The following DOCK11 variants were observed in gnomAD, a reference collection of about 807,000 sequenced individuals.
DOCK11 encodes dedicator of cytokinesis protein 11.
In DOCK11, 70 loss-of-function variants were observed where a neutral mutation model predicts 169.1. That is an observed-to-expected ratio of 0.41 (90% CI 0.34 to 0.51). DOCK11 has a LOEUF of 0.51. Among genes scored for constraint, DOCK11 ranks in the 20% least tolerant of loss-of-function variants. The pLI, the probability that DOCK11 is intolerant of heterozygous loss-of-function variation, is 0.10. For synonymous variants in DOCK11, 529 were observed against 541.3 expected, an observed-to-expected ratio of 0.98 and a Z score of 0.32; for missense variants, 1,166 against 1,538.8, an observed-to-expected ratio of 0.76 and a Z score of 4.05.
chrX:118,561,150 A>C (rs1035391641), intron 6 of DOCK11, among the ~76,000 whole-genome samples: 3 of 112,086 alleles, frequency 2.7e-5, no homozygotes, highest in Non-Finnish European at 3.8e-5. Flanking sequence ...CAAAGTGTTA[A>C]GTCTTAATTA....
At chrX:118,600,534 G>A (rs1243973620) in intron 23 of DOCK11, among the ~76,000 whole-genome samples, 1 of 111,423 alleles carries the variant, frequency 9.0e-6, no homozygotes, top group African/African-American at 3.3e-5. Context: ...GGAAATTTAA[G>A]TGGAGAAAAC....
At chrX:118,651,442 A>G (rs1349915276) in intron 41 of DOCK11, among the ~76,000 whole-genome samples, 1 of 111,379 alleles carries the variant, frequency 9.0e-6, no homozygotes, top group Non-Finnish European at 1.9e-5. Context: ...ACCCTGTCCC[A>G]AAAAATAAGA....
intron 35 of DOCK11, chrX:118,634,246 T>G (rs2015324863): frequency 1.8e-5 from 2 of 112,023 alleles, no homozygotes; most frequent in Admixed American, 1.9e-4. Flanking sequence ...TAAGCCGTGA[T>G]GATTCTCTTC....
Position 118,546,845 on chromosome X carries a change from C to T in DOCK11, c.558+729C>T, listed in dbSNP as rs766396875. Among the ~76,000 whole-genome samples, 13 of 110,952 alleles carry T rather than the reference C, an allele frequency of 1.2e-4. No individual in the cohort carries two copies. The East Asian group carries it at 3.4e-3, about 29-fold the overall frequency. ...TCTCTACAAAAACTACAAAAATTAG[C>T]CTGGCGTGATAGCACACACCTGTAG... On this transcript the variant is annotated intron_variant, in intron 6 of 52. Transcript: ENST00000276202.
chrX:118,549,937 G>GT (rs2012435780), intron 6 of DOCK11, among the ~76,000 whole-genome samples: 1 of 111,534 alleles, frequency 9.0e-6, no homozygotes, highest in African/African-American at 3.3e-5. Flanking sequence ...TTTGGGAGCT[G>GT]TTTCTGGTTA....
At chrX:118,677,210 G>A (rs2016632020) in intron 48 of DOCK11, among the ~76,000 whole-genome samples, 1 of 112,136 alleles carries the variant, frequency 8.9e-6, no homozygotes, top group South Asian at 3.7e-4. Flanking sequence ...TTTATTCTAA[G>A]ATATCCTTAG....
chrX:118,636,829 A>G (rs1402472153), intron 36 of DOCK11, among the ~76,000 whole-genome samples: 10 of 55,734 alleles, frequency 1.8e-4, no homozygotes, highest in Non-Finnish European at 1.6e-4. Flanking sequence ...ATTTGTGTGT[A>G]CACACACACA....
chrX:118,605,303 C>A lies in DOCK11; in HGVS notation c.2628C>A (p.Phe876Leu), dbSNP rs1569427824. The A allele has an allele frequency of 8.3e-7, 1 of 1,203,812 alleles. No homozygotes were observed. The highest frequency in any genetic ancestry group is 2.3e-5 in the Admixed American group (1 of 44,010). ...TACCTGTAATTCTTATGCAACTCTT[C>A]CGAGTTCTCACAAATATGACCCATG... ...QFLPVILMQL[F>L]RVLTNMTHED... Residue 876 changes from phenylalanine to leucine, a missense_variant, in exon 24 of 53, where the codon TTC (phenylalanine) becomes TTA (leucine). Transcript: ENST00000276202.
chrX:118,503,263 G>A (rs186965859), intron 1 of DOCK11, among the ~76,000 whole-genome samples: 60 of 110,271 alleles, frequency 5.4e-4, no homozygotes, highest in Admixed American at 5.3e-3. Context: ...GTTTCACCAC[G>A]TTGGCCAGGC....
intron 46 of DOCK11, among the ~76,000 whole-genome samples, chrX:118,675,617 A>G (rs1400759540): frequency 9.1e-6 from 1 of 110,230 alleles, no homozygotes; most frequent in Non-Finnish European, 1.9e-5. Context: ...AGGATGGGCC[A>G]ATAGGTGCAG....
At chrX:118,559,779 G>T (rs1306727433) in intron 6 of DOCK11, among the ~76,000 whole-genome samples, 1 of 111,007 alleles carries the variant, frequency 9.0e-6, no homozygotes, top group African/African-American at 3.3e-5. Flanking sequence ...TCACCATTAT[G>T]ATTAACATTT....
chrX:118,675,819 C>T, intron 46 of DOCK11, 117 bp from the exon 47 acceptor site: 1 of 392,503 alleles, frequency 2.5e-6, no homozygotes, highest in South Asian at 5.8e-5. Flanking sequence ...ATGAATGGCC[C>T]CACCAAGACC....
At chrX:118,661,933 A>G (rs1318157428) in intron 44 of DOCK11, among the ~76,000 whole-genome samples, 1 of 111,966 alleles carries the variant, frequency 8.9e-6, no homozygotes, top group African/African-American at 3.2e-5. Context: ...TAGTTTATTT[A>G]TTGGTAGGCT....
chrX:118,671,276 C>A, intron 46 of DOCK11, 131 bp downstream of exon 46: 1 of 553,426 alleles, frequency 1.8e-6, no homozygotes, highest in Non-Finnish European at 2.7e-6. Flanking sequence ...TACATTATGA[C>A]TTTTGCATTT....
intron 40 of DOCK11, among the ~76,000 whole-genome samples, chrX:118,646,094 A>C (rs1023763560): frequency 7.3e-5 from 8 of 109,260 alleles, no homozygotes; most frequent in African/African-American, 1.7e-4. Flanking sequence ...ACAACAACAA[A>C]AAAACAGAGA....
chrX:118,665,270 A>G (rs1603178374), intron 45 of DOCK11, among the ~76,000 whole-genome samples: 1 of 112,572 alleles, frequency 8.9e-6, no homozygotes, highest in African/African-American at 3.2e-5. Flanking sequence ...TTGATTGATC[A>G]TAACAGAGAT....
intron 42 of DOCK11, among the ~76,000 whole-genome samples, chrX:118,652,655 A>G (rs149869845): frequency 8.9e-6 from 1 of 111,761 alleles, no homozygotes; most frequent in East Asian, 2.8e-4. Flanking sequence ...TTTCTTTCCT[A>G]TATGCTTAAA....
chrX:118,665,949 T>C (rs1347217485), intron 45 of DOCK11, among the ~76,000 whole-genome samples: 1 of 111,954 alleles, frequency 8.9e-6, no homozygotes, highest in Non-Finnish European at 1.9e-5. Context: ...TGCAATCGAT[T>C]TTAAACATAT....
At chrX:118,664,788 C>T (rs942488180) in intron 45 of DOCK11, among the ~76,000 whole-genome samples, 3 of 111,643 alleles carry the variant, frequency 2.7e-5, no homozygotes, top group African/African-American at 9.8e-5. Flanking sequence ...ACCGGAGAAT[C>T]AAGGACTGAA....
Sources: allele counts gnomAD v4.1 joint callset (sites outside exome capture counted in the v4.1 genomes callset), GRCh38; gene constraint gnomAD v4.1.1; transcripts MANE v1.5; gene names NCBI Gene and HGNC (gene_info 2026-07-23, HGNC 2026-07-21).